The following MUC5AC variants were observed in gnomAD, a reference collection of about 807,000 sequenced individuals.
The protein encoded by MUC5AC is mucin 5AC, oligomeric mucus/gel-forming.
Under a neutral mutation model 169.7 loss-of-function variants are expected in MUC5AC, and 158 were observed. The ratio of observed to expected loss-of-function variants is 0.93; its 90% CI spans 0.82 to 1.06. The LOEUF is 1.06. MUC5AC is among the 50% of genes least tolerant of loss of function. The probability of loss-of-function intolerance (pLI) is 0.00; values close to 1 mark genes in which losing one functional copy is unlikely to be tolerated. For missense variants in MUC5AC, 4,359 were observed against 3,089.9 expected, an observed-to-expected ratio of 1.41 and a Z score of -9.74; for synonymous variants, 1,975 against 1,237.0, an observed-to-expected ratio of 1.60 and a Z score of -12.52.
At chr11:1,175,159 T>TG (rs1392462611) in intron 18 of MUC5AC, 22 bp downstream of exon 18, 290,505 of 398,544 alleles carry the variant, frequency 0.73, 108,666 homozygotes, top group Non-Finnish European at 0.79. Context: ...CGCTGTGGAC[T>TG]GGGGGGTCCC....
intron 1 of MUC5AC, among the ~76,000 whole-genome samples, chr11:1,159,778 G>C (rs1316259507): frequency 4.1e-5 from 4 of 97,016 alleles, no homozygotes; most frequent in Admixed American, 1.0e-4. Flanking sequence ...GCGGGGCTGG[G>C]GTCTGGTCCC....
rs1187163132 is a variant in MUC5AC at position 1,189,571 on chromosome 11, C to T, written c.11426C>T (p.Ser3809Phe). ...TCCACTCCACAGACCAGCACAATCT[C>T]TTCCCCTACAACCAGCACAACCTCC... ...TTSTPQTSTI[S>F]SPTTSTTSTP... is the part of the protein sequence containing the mutation. Residue 3809 changes from serine (S) to phenylalanine (F), a missense_variant, in exon 31 of 49, where the codon TCT becomes TTT. Ser to Phe is a radical substitution (Grantham distance 155, BLOSUM62 -2). Coordinates refer to ENST00000621226, the MANE Select transcript of MUC5AC (RefSeq NM_001304359.2). The T allele has an allele frequency of 1.6e-6, 1 of 610,348 alleles. No individual in the cohort carries two copies. The highest frequency in any genetic ancestry group is 2.9e-6 in the Non-Finnish European group (1 of 342,834). 37.8% of individuals were successfully genotyped at this position (610,348 alleles called of 1,614,324 possible).
intron 3 of MUC5AC, 101 bp downstream of exon 3, chr11:1,161,687 G>T: frequency 7.3e-7 from 1 of 1,365,920 alleles, no homozygotes. Context: ...CCAGCTTTCC[G>T]GGTGAACACT....
chr11:1,194,011 TG>T (rs1861192179), intron 33 of MUC5AC, 98 bp from the exon 34 acceptor site: 8 of 698,890 alleles, frequency 1.1e-5, no homozygotes, highest in South Asian at 1.6e-5. Flanking sequence ...GATGAGACGG[TG>T]GGGGGTCAGG....
Position 1,168,483 on chromosome 11 carries a change from G to A in MUC5AC, c.1498G>A (p.Val500Met), listed in dbSNP as rs761491519. The change falls in exon 13 of 49, where the codon GTG becomes ATG. Residue 500 changes from valine (V) to methionine (M), a missense_variant and splice_region_variant. Physicochemically the swap from Val to Met is conservative, Grantham distance 21. Coordinates refer to ENST00000621226, the MANE Select transcript of MUC5AC (RefSeq NM_001304359.2). ...VTLSLDGAQT[V>M]VVIKASGEVF... ...CACACATCTGTCTGGCTGCCCTCAG[G>A]TGGTGGTGATCAAGGCCAGTGGGGA... is the stretch of plus-strand genomic sequence containing the variant. The A allele has an allele frequency of 1.2e-5, 20 of 1,612,214 alleles. No homozygotes were observed. The highest frequency in any genetic ancestry group is 1.7e-5 in the Admixed American group (1 of 59,948).
rs1214742757 is a variant in MUC5AC at position 1,186,814 on chromosome 11, C to G, written c.8669C>G (p.Thr2890Ser). 5 of 742,484 alleles carry G rather than the reference C, an allele frequency of 6.7e-6. No homozygotes were observed. The highest frequency in any genetic ancestry group is 1.8e-5 in the Admixed American group (1 of 55,822). The allele number at this position is 742,484 out of a possible 1,614,324, so 46.0% of individuals were successfully genotyped here. A position where few individuals can be genotyped will look rare whatever the true frequency, so the allele number is the denominator to read the frequency against. The change falls in exon 31 of 49, where the codon ACC becomes AGC. Residue 2890 changes from threonine to serine, a missense_variant. By Grantham distance (58) the Thr-to-Ser change is moderately conservative. Coordinates refer to ENST00000621226, the MANE Select transcript of MUC5AC (RefSeq NM_001304359.2). ...ACTACTCCCAGCCCTGTTCCCACCA[C>G]CAGTACAACCTCTGCTCCTACAACC... Reference protein sequence around the residue: ...PGTTPSPVPTTSTTSAPTTRT... With the variant: ...PGTTPSPVPTSSTTSAPTTRT...
chr11:1,174,893 A>G lies in MUC5AC; in HGVS notation c.2104A>G (p.Thr702Ala), dbSNP rs1860635185. The change falls in exon 18 of 49, where the codon ACC (threonine) becomes GCC (alanine). Residue 702 changes from threonine to alanine, a missense_variant. Thr to Ala is a moderately conservative substitution (Grantham distance 58). Transcript: ENST00000621226. ...CTGGCATCCCGCAGCGAAGCCTATG[A>G]CCACTTGCCCCAAGTCAATGACGTA... is the stretch of plus-strand genomic sequence containing the variant. ...WRDGVCTKPMTTCPKSMTYHY... is the reference protein window; with the variant it reads ...WRDGVCTKPMATCPKSMTYHY... 1 of 416,810 alleles carries G rather than the reference A, an allele frequency of 2.4e-6. No homozygotes were observed. Among genetic ancestry groups the G allele is most frequent in the African/African-American group, 2.0e-5 (1 of 48,926 alleles). 25.8% of individuals were successfully genotyped at this position (416,810 alleles called of 1,614,324 possible).
At position 1,159,825 on chromosome 11, in the gene MUC5AC, C is replaced by G. The variant is rs1396712430; in HGVS notation, c.74-787C>G. Among the ~76,000 whole-genome samples the G allele has an allele frequency of 4.0e-3, 81 of 20,480 alleles. 2 individuals carry two copies. The highest frequency in any genetic ancestry group is 5.6e-3 in the East Asian group (3 of 534). The allele number at this position is 20,480 out of a possible 152,430, so 13.4% of individuals were successfully genotyped here. ...TCTGTGCAGGGCTGTGCAGGGCTGG[C>G]GTCTGGCCCCACCATGCTGGTTCTG... is the stretch of plus-strand genomic sequence containing the variant. On this transcript the variant is annotated intron_variant, in intron 1 of 48. Transcript: ENST00000621226.
rs1860113632 is a variant in MUC5AC at position 1,160,652 on chromosome 11, C to T, written c.114C>T (p.His38=). ...QDGSSESSYK[H]HPALSPIARG... ...GCTCCTCCGAATCCAGCTACAAGCA[C>T]CACCCTGCCCTCTCTCCTATCGCCC... The change falls in exon 2 of 49, where the codon CAC becomes CAT. Residue 38 remains histidine (H), a synonymous_variant. Transcript: ENST00000621226. 1 of 1,610,800 alleles carries T rather than the reference C, an allele frequency of 6.2e-7. No individual in the cohort carries two copies. Among genetic ancestry groups the T allele is most frequent in the Non-Finnish European group, 8.5e-7 (1 of 1,179,628 alleles).
rs1860571199 is a variant in MUC5AC, at chr11:1,172,456, A to G, written c.1898A>G (p.Gln633Arg). ...NEKYAQHWCSQLTDADGPFGR... is the reference protein window; with the variant it reads ...NEKYAQHWCSRLTDADGPFGR... ...AAGTATGCTCAGCACTGGTGCTCGC[A>G]GCTGACCGATGCCGACGGCCCCTTC... is the stretch of plus-strand genomic sequence containing the variant. Residue 633 changes from glutamine (Q) to arginine (R), a missense_variant, in exon 16 of 49, where the codon CAG becomes CGG. Gln to Arg is a conservative substitution (Grantham distance 43). Coordinates refer to ENST00000621226, the MANE Select transcript of MUC5AC (RefSeq NM_001304359.2). The G allele has an allele frequency of 5.0e-6, 2 of 398,676 alleles. No homozygotes were observed. The highest frequency in any genetic ancestry group is 7.1e-5 in the East Asian group (2 of 28,070). 24.7% of individuals were successfully genotyped at this position (398,676 alleles called of 1,614,324 possible).
intron 21 of MUC5AC, 68 bp downstream of exon 21, chr11:1,176,733 G>A (rs1317444790): frequency 3.0e-5 from 12 of 398,522 alleles, no homozygotes; most frequent in East Asian, 1.4e-4. Context: ...CCTTAAAGAC[G>A]GGCGAGCCCC....
Position 1,189,115 on chromosome 11 carries a change from C to T in MUC5AC, c.10970C>T (p.Thr3657Ile), listed in dbSNP as rs1159650002. ...STSSWQKSRT[T>I]TLVTSSITST... Reference sequence around the variant, plus strand: ...TCCTCTTGGCAGAAATCCAGGACAACCACTTTGGTGACAAGCAGCATAACC... The same window carrying T: ...TCCTCTTGGCAGAAATCCAGGACAATCACTTTGGTGACAAGCAGCATAACC... Residue 3657 changes from threonine (T) to isoleucine (I), a missense_variant, in exon 31 of 49, where the codon ACC becomes ATC. Physicochemically the swap from Thr to Ile is moderately conservative, Grantham distance 89. Transcript: ENST00000621226. The T allele has an allele frequency of 8.3e-6, 5 of 602,812 alleles. No homozygotes were observed. Among genetic ancestry groups the T allele is most frequent in the East Asian group, 8.2e-5 (3 of 36,720 alleles). 37.3% of individuals were successfully genotyped at this position (602,812 alleles called of 1,614,324 possible).
In MUC5AC at chr11:1,188,553, A is replaced by C. The variant is rs1861010694; in HGVS notation, c.10408A>C (p.Lys3470Gln). ...SSTTSTPQTS[K>Q]TSAATSSTTS... ...CACAACCTCCACTCCACAGACCAGC[A>C]AAACCTCAGCTGCTACAAGCAGCAC... The change falls in exon 31 of 49, where the codon AAA (lysine) becomes CAA (glutamine). Residue 3470 changes from lysine (K) to glutamine (Q), a missense_variant. Lys to Gln is a moderately conservative substitution (Grantham distance 53, BLOSUM62 1). Transcript: ENST00000621226. 1.3e-6 allele frequency: 1 copy of C among 758,332 alleles called. No homozygotes were observed. Among genetic ancestry groups the C allele is most frequent in the Non-Finnish European group, 2.4e-6 (1 of 414,186 alleles). The allele number at this position is 758,332 out of a possible 1,614,324, so 47.0% of individuals were successfully genotyped here.
At chr11:1,169,293 A>G (rs1469633728) in intron 15 of MUC5AC, among the ~76,000 whole-genome samples, 2 of 152,116 alleles carry the variant, frequency 1.3e-5, no homozygotes, top group Non-Finnish European at 2.9e-5. Flanking sequence ...ACCCCTGCAC[A>G]GGGTGGAGTG....
Position 1,157,979 on chromosome 11 carries a change from C to G in MUC5AC, c.-21C>G, listed in dbSNP as rs1348051563. On this transcript the variant is annotated 5_prime_UTR_variant, in exon 1 of 49. Coordinates refer to ENST00000621226, the MANE Select transcript of MUC5AC (RefSeq NM_001304359.2). Reference sequence around the variant, plus strand: ...TCAGAGGCTGCTGAGGGACAGGGCACTCTTCCCCGCCGTCCACACAATGAG... The same window carrying G: ...TCAGAGGCTGCTGAGGGACAGGGCAGTCTTCCCCGCCGTCCACACAATGAG... 3.2e-6 allele frequency: 5 copies of G among 1,574,346 alleles called. No homozygotes were observed. In the South Asian group the frequency reaches 4.7e-5, roughly 15 times the overall value.
chr11:1,185,194 C>T lies in MUC5AC; in HGVS notation c.7049C>T (p.Pro2350Leu), dbSNP rs1245880247. The change falls in exon 31 of 49, where the codon CCT (proline) becomes CTT (leucine). Residue 2350 changes from proline (P) to leucine (L), a missense_variant. By Grantham distance (98) the Pro-to-Leu change is moderately conservative. Transcript: ENST00000621226. ...TTSGPGTTPS[P>L]VPTTSITSAP... ...TCTGGTCCTGGAACTACTCCCAGCC[C>T]TGTTCCTACCACCAGCATAACCTCT... The T allele has an allele frequency of 2.7e-6, 2 of 733,476 alleles. No individual in the cohort carries two copies. Among genetic ancestry groups the T allele is most frequent in the Non-Finnish European group, 5.0e-6 (2 of 402,256 alleles). The allele number at this position is 733,476 out of a possible 1,614,324, so 45.4% of individuals were successfully genotyped here.
At chr11:1,159,918 G>A (rs1291901846) in intron 1 of MUC5AC, among the ~76,000 whole-genome samples, 1 of 122,276 alleles carries the variant, frequency 8.2e-6, no homozygotes, top group East Asian at 2.4e-4. Context: ...CTGGCTCTGC[G>A]ACGGGCTGTG....
At position 1,185,781 on chromosome 11, in the gene MUC5AC, A is replaced by C; in HGVS notation, c.7636A>C (p.Thr2546Pro). The C allele has an allele frequency of 4.0e-6, 3 of 741,470 alleles. No individual in the cohort carries two copies. The South Asian group carries it at 4.1e-5, about 10-fold the overall frequency. The allele number at this position is 741,470 out of a possible 1,614,324, so 45.9% of individuals were successfully genotyped here. A position where few individuals can be genotyped will look rare whatever the true frequency, so the allele number is the denominator to read the frequency against. The change falls in exon 31 of 49, where the codon ACC becomes CCC. Residue 2546 changes from threonine to proline, a missense_variant. Coordinates refer to ENST00000621226, the MANE Select transcript of MUC5AC (RefSeq NM_001304359.2). ...CACCAGCACAACCTCTGCTCCTACA[A>C]CCAGCACAACCTCTGCCCCTATAAG... ...PTTSTTSAPT[T>P]STTSAPISST...
Position 1,172,527 on chromosome 11 carries a change from A to G in MUC5AC, c.1965+4A>G. ...GAAGCCGGGAACCTACTACTCGGTAACATCTGCCGCCTCTTGGCCCGGTGG... is the reference window on the plus strand; with the variant it reads ...GAAGCCGGGAACCTACTACTCGGTAGCATCTGCCGCCTCTTGGCCCGGTGG... On this transcript the variant is annotated splice_donor_region_variant and intron_variant, in intron 16 of 48. Transcript: ENST00000621226. 5.0e-6 allele frequency: 2 copies of G among 398,680 alleles called. No individual in the cohort carries two copies. Among genetic ancestry groups the G allele is most frequent in the Non-Finnish European group, 8.8e-6 (2 of 226,096 alleles). The allele number at this position is 398,680 out of a possible 1,614,324, so 24.7% of individuals were successfully genotyped here.
Sources: gnomAD v4.1 joint callset for allele counts (sites outside exome capture counted in the v4.1 genomes callset) on GRCh38, gnomAD v4.1.1 for gene constraint, MANE v1.5 for transcripts, NCBI Gene and HGNC (gene_info 2026-07-23, HGNC 2026-07-21) for gene names.